Variants in BBX observed in about 807,000 individuals in gnomAD.
The protein encoded by BBX is BBX high mobility group box domain containing.
In BBX, 30 loss-of-function variants were observed where a neutral mutation model predicts 100.2. The ratio of observed to expected loss-of-function variants is 0.30; its 90% CI spans 0.22 to 0.41. The LOEUF is 0.41. Among genes scored for constraint, BBX ranks in the 10% least tolerant of loss-of-function variants. The pLI, the probability that BBX is intolerant of heterozygous loss-of-function variation, is 1.00. For missense variants in BBX, 1,023 were observed against 1,129.8 expected, an observed-to-expected ratio of 0.91 and a Z score of 1.35; for synonymous variants, 376 against 388.1, an observed-to-expected ratio of 0.97 and a Z score of 0.37.
chr3:107,713,853 G>A (rs2061893217), intron 4 of BBX, among the ~76,000 whole-genome samples: 1 of 151,508 alleles, frequency 6.6e-6, no homozygotes, highest in Non-Finnish European at 1.5e-5. Context: ...AGATAAACCA[G>A]CAAGACTTAA....
rs184108371 is a variant in BBX, at chr3:107,733,093, C to T, written c.669+70C>T. 276 of 1,353,936 alleles carry T rather than the reference C, an allele frequency of 2.0e-4. 1 individual carries two copies. The African/African-American group carries it at 3.5e-3, about 17-fold the overall frequency. 83.9% of individuals were successfully genotyped at this position (1,353,936 alleles called of 1,614,324 possible). On this transcript the variant is annotated intron_variant, in intron 7 of 17. Coordinates refer to ENST00000325805, the MANE Select transcript of BBX (RefSeq NM_001142568.3). ...TGGGAACACAGTTATAGTCTGTTTA[C>T]GTTGTTCATTCTGCATTTTCACTGT...
intron 3 of BBX, among the ~76,000 whole-genome samples, chr3:107,654,121 A>G (rs2058001029): frequency 6.6e-6 from 1 of 152,170 alleles, no homozygotes; most frequent in Non-Finnish European, 1.5e-5. Flanking sequence ...GCTATTGTCA[A>G]TCCCCTTAAA....
intron 10 of BBX, among the ~76,000 whole-genome samples, chr3:107,771,095 T>C (rs1354738138): frequency 2.6e-5 from 4 of 152,114 alleles, no homozygotes; most frequent in African/African-American, 4.8e-5. Flanking sequence ...GTAGATAAAA[T>C]AAATTATGAC....
At chr3:107,657,602 TTTTAA>T (rs1231049144) in intron 3 of BBX, among the ~76,000 whole-genome samples, 4 of 152,048 alleles carry the variant, frequency 2.6e-5, no homozygotes, top group Non-Finnish European at 5.9e-5. Context: ...AAAGATAGGT[TTTTAA>T]TTTAAGTGTG....
intron 4 of BBX, among the ~76,000 whole-genome samples, chr3:107,713,102 A>G (rs1281358183): frequency 6.6e-6 from 1 of 152,084 alleles, no homozygotes; most frequent in East Asian, 1.9e-4. Context: ...GAGAACAATT[A>G]TTTTTTGTTG....
intron 2 of BBX, among the ~76,000 whole-genome samples, chr3:107,637,423 G>A (rs2056916083): frequency 6.6e-6 from 1 of 152,190 alleles, no homozygotes; most frequent in African/African-American, 2.4e-5. Context: ...ATCTGGTCTG[G>A]AGCTTCCTGC....
At chr3:107,802,745 G>A (rs1424286408) in intron 17 of BBX, among the ~76,000 whole-genome samples, 3 of 152,208 alleles carry the variant, frequency 2.0e-5, no homozygotes, top group Non-Finnish European at 2.9e-5. Context: ...GAAAGCCACA[G>A]CAAACCTTTC....
chr3:107,766,551 G>A (rs957021954), intron 10 of BBX, among the ~76,000 whole-genome samples: 36 of 152,098 alleles, frequency 2.4e-4, no homozygotes, highest in African/African-American at 8.7e-4. Flanking sequence ...TAATTTGGTG[G>A]GGAGTGGGGG....
At chr3:107,575,350 C>G (rs1017262915) in intron 2 of BBX, among the ~76,000 whole-genome samples, 1 of 152,074 alleles carries the variant, frequency 6.6e-6, no homozygotes, top group Non-Finnish European at 1.5e-5. Context: ...TTTTGACATT[C>G]TCTTATTTTG....
intron 2 of BBX, among the ~76,000 whole-genome samples, chr3:107,549,711 G>C (rs1228409601): frequency 6.6e-6 from 1 of 152,144 alleles, no homozygotes; most frequent in African/African-American, 2.4e-5. Context: ...ATAGTTGGCA[G>C]AATTAGGGGC....
chr3:107,537,049 G>A (rs1435440154), intron 2 of BBX, among the ~76,000 whole-genome samples: 1 of 152,134 alleles, frequency 6.6e-6, no homozygotes, highest in African/African-American at 2.4e-5. Flanking sequence ...AAGCATTATA[G>A]CGAATTTTTA....
intron 3 of BBX, among the ~76,000 whole-genome samples, chr3:107,673,577 A>G (rs1388652727): frequency 6.6e-6 from 1 of 152,124 alleles, no homozygotes. Context: ...TAAACATTCT[A>G]AGACTCTCAA....
intron 2 of BBX, among the ~76,000 whole-genome samples, chr3:107,616,005 C>CTTTTT (rs59614452): frequency 1.6e-4 from 3 of 19,248 alleles, no homozygotes; most frequent in African/African-American, 5.1e-4. Context: ...TACTCACCTG[C>CTTTTT]TTTTTTTTTT....
At chr3:107,766,625 CA>C (rs2066415835) in intron 10 of BBX, among the ~76,000 whole-genome samples, 1 of 151,966 alleles carries the variant, frequency 6.6e-6, no homozygotes, top group Admixed American at 6.6e-5. Flanking sequence ...TATATTAAAT[CA>C]AAGTTAGAAA....
chr3:107,587,345 CAAAA>C (rs1329577363), intron 2 of BBX, among the ~76,000 whole-genome samples: 2 of 93,828 alleles, frequency 2.1e-5, no homozygotes. Context: ...ACCCTGTCTC[CAAAA>C]AAAAAAAAAA....
At chr3:107,534,438 T>A (rs567869366) in intron 2 of BBX, among the ~76,000 whole-genome samples, 64 of 152,282 alleles carry the variant, frequency 4.2e-4, no homozygotes, top group Non-Finnish European at 7.8e-4. Flanking sequence ...TTTTCTTTCT[T>A]CCCTCCTAGG....
At chr3:107,645,673 C>T (rs1286594600) in intron 2 of BBX, among the ~76,000 whole-genome samples, 163 bp from the exon 3 acceptor site, 1 of 152,194 alleles carries the variant, frequency 6.6e-6, no homozygotes, top group African/African-American at 2.4e-5. Context: ...GGGCCACTTT[C>T]TCTAACTAGC....
intron 2 of BBX, among the ~76,000 whole-genome samples, chr3:107,549,034 T>C (rs566022688): frequency 9.2e-5 from 14 of 152,204 alleles, no homozygotes; most frequent in African/African-American, 2.9e-4. Flanking sequence ...AAACTAACCA[T>C]TGGGTATGCT....
chr3:107,583,381 A>G (rs1207493231), intron 2 of BBX, among the ~76,000 whole-genome samples: 3 of 152,036 alleles, frequency 2.0e-5, no homozygotes, highest in African/African-American at 7.2e-5. Flanking sequence ...CCAGTGGCAC[A>G]AGATAAAAGA....
Sources: allele counts gnomAD v4.1 joint callset (sites outside exome capture counted in the v4.1 genomes callset), GRCh38; gene constraint gnomAD v4.1.1; transcripts MANE v1.5; gene names NCBI Gene and HGNC (gene_info 2026-07-23, HGNC 2026-07-21).